AP2A2: variants seen among roughly 807,000 people sequenced by gnomAD.
The protein encoded by AP2A2 is adaptor related protein complex 2 subunit alpha 2, also known as AP-2 complex subunit alpha-2.
A neutral mutation model predicts 104.2 loss-of-function variants in AP2A2; 32 were observed. The ratio of observed to expected loss-of-function variants is 0.31; its 90% CI spans 0.23 to 0.41. The LOEUF is 0.41. Among genes scored for constraint, AP2A2 ranks in the 10% least tolerant of loss-of-function variants. The probability of loss-of-function intolerance (pLI) is 1.00; values close to 1 mark genes in which losing one functional copy is unlikely to be tolerated. For synonymous variants in AP2A2, 539 were observed against 533.3 expected (o/e 1.01, Z -0.15); for missense variants, 912 against 1,261.0 (o/e 0.72, Z 4.19).
In AP2A2 at chr11:989,785, G is replaced by A. The variant is rs1016808806; in HGVS notation, c.1269+1096G>A. Among the ~76,000 whole-genome samples, 5 of 152,368 alleles carry A rather than the reference G, an allele frequency of 3.3e-5. No individual in the cohort carries two copies. The South Asian group carries it at 8.3e-4, about 25-fold the overall frequency. On this transcript the variant is annotated intron_variant, in intron 10 of 21. Transcript: ENST00000448903. ...CAGGCCTCTCAGGCTCACCGTGTCTGTGGATGGTGGGGTTTAAGGGGGAGG... is the reference window on the plus strand; with the variant it reads ...CAGGCCTCTCAGGCTCACCGTGTCTATGGATGGTGGGGTTTAAGGGGGAGG...
rs35001393 is a variant in AP2A2, at chr11:993,964, C to T, written c.1761C>T (p.Thr587=). The change falls in exon 13 of 22, where the codon ACC becomes ACT. Residue 587 remains threonine (T), a synonymous_variant. Transcript: ENST00000448903. This position sits in a 1 kb window ranked among gnomAD's most constrained non-coding sequence, Gnocchi z 8.2. ...QRAVEYLRLS[T]VASTDILATV... The stretch of plus-strand genomic sequence containing the variant: ...CTGTGGAGTACCTGCGGCTCAGCAC[C>T]GTGGCCAGCACCGACATTCTGGTAG... 5,417 of 1,611,972 alleles carry T rather than the reference C, an allele frequency of 3.4e-3. 140 individuals carry two copies. The African/African-American group carries it at 0.064, about 19-fold the overall frequency.
At chr11:985,647 C>G in intron 8 of AP2A2, 65 bp downstream of exon 8, 1 of 1,596,854 alleles carries the variant, frequency 6.3e-7, no homozygotes, top group South Asian at 1.1e-5. Flanking sequence ...CTCGTTGGCA[C>G]GAGACTGGGC....
chr11:955,514 A>G (rs1344180138), intron 1 of AP2A2, among the ~76,000 whole-genome samples: 3 of 152,148 alleles, frequency 2.0e-5, no homozygotes, highest in East Asian at 3.9e-4. Flanking sequence ...AGCAGCTTTC[A>G]GGGCTGGGAA....
chr11:983,925 A>G (rs906111089), intron 6 of AP2A2, among the ~76,000 whole-genome samples: 18 of 152,108 alleles, frequency 1.2e-4, no homozygotes, highest in African/African-American at 4.1e-4. Context: ...GCCTCCTTGC[A>G]GCAGGAGTCC....
chr11:975,147 G>T (rs1472950577), intron 4 of AP2A2, among the ~76,000 whole-genome samples: 1 of 152,218 alleles, frequency 6.6e-6, no homozygotes, highest in African/African-American at 2.4e-5. Flanking sequence ...CAGAAGAGTG[G>T]GGTGGTGTCT....
intron 5 of AP2A2, among the ~76,000 whole-genome samples, chr11:977,496 C>T (rs1855087338): frequency 6.7e-6 from 1 of 149,974 alleles, no homozygotes; most frequent in African/African-American, 2.5e-5. Flanking sequence ...CTCCTGGAAA[C>T]ACCTATCTAG....
At chr11:926,714 CTCATT>C (rs1853132583) in intron 1 of AP2A2, among the ~76,000 whole-genome samples, 1 of 152,210 alleles carries the variant, frequency 6.6e-6, no homozygotes, top group Admixed American at 6.5e-5. Context: ...ATTAAAATGA[CTCATT>C]CCCGGAGGGA....
chr11:997,403 AACTGGTGTGGCCCAGGAGCC>A (rs1253684891), intron 14 of AP2A2, among the ~76,000 whole-genome samples: 2 of 152,146 alleles, frequency 1.3e-5, no homozygotes, highest in Non-Finnish European at 2.9e-5. Flanking sequence ...GGAGGAGGTG[AACTGGTGTGGCCCAGGAGCC>A]AGGCCTGCTC....
intron 2 of AP2A2, among the ~76,000 whole-genome samples, chr11:962,627 G>A (rs570419041): frequency 3.3e-5 from 5 of 152,144 alleles, no homozygotes; most frequent in Non-Finnish European, 7.4e-5. Flanking sequence ...CAGCTACTTG[G>A]GAGGCTGAGT....
At chr11:975,712 C>T (rs10902259) in intron 4 of AP2A2, among the ~76,000 whole-genome samples, 7,758 of 59,320 alleles carry the variant, frequency 0.13, 277 homozygotes, top group Middle Eastern at 0.29. Flanking sequence ...TCGTGTGAGC[C>T]GACGTCGGCG....
chr11:991,658 C>T (rs927815255), intron 10 of AP2A2, among the ~76,000 whole-genome samples: 10 of 127,686 alleles, frequency 7.8e-5, no homozygotes, highest in Non-Finnish European at 1.6e-4. Context: ...GGAAGTGTCA[C>T]GGAGTCAGGT....
At chr11:966,380 C>T (rs1484492365) in intron 2 of AP2A2, among the ~76,000 whole-genome samples, 1 of 152,102 alleles carries the variant, frequency 6.6e-6, no homozygotes, top group African/African-American at 2.4e-5. Flanking sequence ...TGCCTGTGGT[C>T]CCAGCCACTT....
At position 993,158 on chromosome 11, in the gene AP2A2, TG is replaced by T; in HGVS notation, c.1453-124del. The T allele has an allele frequency of 1.4e-6, 1 of 694,156 alleles. No individual in the cohort carries two copies. Among genetic ancestry groups the T allele is most frequent in the South Asian group, 2.0e-5 (1 of 50,490 alleles). 43.0% of individuals were successfully genotyped at this position (694,156 alleles called of 1,614,324 possible). On this transcript the variant is annotated intron_variant, in intron 11 of 21. Transcript: ENST00000448903. This position sits in a 1 kb window ranked among gnomAD's most constrained non-coding sequence, Gnocchi z 8.2. ...GCTGAGGAAGGCAGGGATGGGCACT[TG>T]GACTGGGGTCTCCAGGAAGCTGAGG...
chr11:1,003,536 G>A, intron 15 of AP2A2, 186 bp from the exon 16 acceptor site: 3 of 504,842 alleles, frequency 5.9e-6, no homozygotes, highest in Non-Finnish European at 1.0e-5. Flanking sequence ...CCTGCGTCCT[G>A]CTCACCGTCC....
chr11:1,010,685 C>T lies in AP2A2; in HGVS notation c.*60C>T, dbSNP rs1311816159. On this transcript the variant is annotated 3_prime_UTR_variant, in exon 22 of 22. Transcript: ENST00000448903. ...TGTTGTCTTCGTCTGTGCCGTTTGT[C>T]TTCGTGGCCATCCTGCAGATGAGCA... 2 of 1,430,588 alleles carry T rather than the reference C, an allele frequency of 1.4e-6. No individual in the cohort carries two copies. Among genetic ancestry groups the T allele is most frequent in the Non-Finnish European group, 1.9e-6 (2 of 1,036,094 alleles). The allele number at this position is 1,430,588 out of a possible 1,614,324, so 88.6% of individuals were successfully genotyped here.
In AP2A2 at chr11:983,830, T is replaced by C. The variant is rs144513228; in HGVS notation, c.706-815T>C. 1.9e-3 allele frequency among the ~76,000 whole-genome samples: 291 copies of C among 152,090 alleles called. 2 individuals carry two copies. The highest frequency in any genetic ancestry group is 6.8e-3 in the African/African-American group (284 of 41,568). On this transcript the variant is annotated intron_variant, in intron 6 of 21. Coordinates refer to ENST00000448903, the MANE Select transcript of AP2A2 (RefSeq NM_012305.4). ...AGAGACAGCTCATGTTGGCCGTGTC[T>C]GTGTGTCACGGAAGTGCTGTGATTC...
chr11:986,800 C>T lies in AP2A2; in HGVS notation c.978C>T (p.Leu326=), dbSNP rs182744152. The T allele has an allele frequency of 2.5e-4, 411 of 1,613,270 alleles. No individual in the cohort carries two copies. In the East Asian group the frequency reaches 3.5e-3, roughly 14 times the overall value. The change falls in exon 9 of 22, where the codon CTC becomes CTT. Residue 326 remains leucine, a synonymous_variant. Coordinates refer to ENST00000448903, the MANE Select transcript of AP2A2 (RefSeq NM_012305.4). The part of the protein sequence containing the change: ...IIHHDSEPNL[L]VRACNQLGQF... ...CTCCACACAGTGAGCCGAACCTGCT[C>T]GTCCGTGCCTGCAACCAGTTGGGCC...
At chr11:931,482 G>A (rs938885235) in intron 1 of AP2A2, among the ~76,000 whole-genome samples, 41 of 152,212 alleles carry the variant, frequency 2.7e-4, no homozygotes, top group Non-Finnish European at 1.5e-5. Context: ...GGACTGCAAG[G>A]AAAGGGAAGA....
rs1219149191 is a variant in AP2A2, at chr11:940,890, G to A, written c.67+14802G>A. 3 of 456,078 alleles carry A rather than the reference G, an allele frequency of 6.6e-6. No homozygotes were observed. The Admixed American group carries it at 7.0e-5, about 11-fold the overall frequency. 28.3% of individuals were successfully genotyped at this position (456,078 alleles called of 1,614,324 possible). On this transcript the variant is annotated intron_variant, in intron 1 of 21. Transcript: ENST00000448903. ...AGAGGACTCTCGACTCTCTTCTCTT[G>A]CTTGGTGAGCAGGTGGGTGTTGTGA...
Sources: gnomAD v4.1 joint callset for allele counts (sites outside exome capture counted in the v4.1 genomes callset) on GRCh38, gnomAD v4.1.1 for gene constraint, Gnocchi (gnomAD v3.1) non-coding constraint, MANE v1.5 for transcripts, NCBI Gene and HGNC (gene_info 2026-07-23, HGNC 2026-07-21) for gene names.